Variants in PEAK1 observed in about 807,000 individuals in gnomAD.
The protein encoded by PEAK1 is inactive tyrosine-protein kinase PEAK1.
PEAK1 carries 54 observed loss-of-function variants against 124.7 expected under a neutral mutation model. That is an observed-to-expected ratio of 0.43 (90% confidence interval 0.35 to 0.54). The LOEUF (loss-of-function observed/expected upper bound fraction) is 0.54. PEAK1 is among the 20% of genes least tolerant of loss of function. The pLI is 0.01. For synonymous variants in PEAK1, 719 were observed against 760.0 expected, an observed-to-expected ratio of 0.95 and a Z score of 0.89; for missense variants, 2,046 against 2,134.5, an observed-to-expected ratio of 0.96 and a Z score of 0.82.
At chr15:77,333,291 C>T (rs1463238236) in intron 2 of PEAK1, 5 of 964,506 alleles carry the variant, frequency 5.2e-6, no homozygotes, top group Admixed American at 6.2e-5. Flanking sequence ...GATTCAATCA[C>T]TTTTTGTGTG....
intron 6 of PEAK1, among the ~76,000 whole-genome samples, chr15:77,226,541 G>A (rs1028862044): frequency 6.6e-6 from 1 of 152,028 alleles, no homozygotes; most frequent in Non-Finnish European, 1.5e-5. Flanking sequence ...TTTGAAAACC[G>A]AGATGCCATG....
chr15:77,249,517 T>C (rs951317530), intron 6 of PEAK1, among the ~76,000 whole-genome samples: 2 of 152,180 alleles, frequency 1.3e-5, no homozygotes. Flanking sequence ...TTCTATTCTC[T>C]CTTCAAAGTC....
At chr15:77,369,595 T>C (rs2068504931) in intron 1 of PEAK1, among the ~76,000 whole-genome samples, 1 of 152,108 alleles carries the variant, frequency 6.6e-6, no homozygotes, top group African/African-American at 2.4e-5. Context: ...CAAACAAGAA[T>C]ATGCAACAGA....
chr15:77,333,452 A>G, intron 2 of PEAK1: 1 of 938,816 alleles, frequency 1.1e-6, no homozygotes, highest in Non-Finnish European at 1.3e-6. Flanking sequence ...TCTTTTCTCT[A>G]ACAACTATAT....
At chr15:77,314,510 C>T (rs1016164612) in intron 2 of PEAK1, among the ~76,000 whole-genome samples, 4 of 152,092 alleles carry the variant, frequency 2.6e-5, no homozygotes, top group African/African-American at 7.2e-5. Flanking sequence ...GCTGGGATTA[C>T]AGGCACATAC....
intron 6 of PEAK1, among the ~76,000 whole-genome samples, chr15:77,219,995 C>A (rs928244546): frequency 6.6e-6 from 1 of 152,056 alleles, no homozygotes; most frequent in Non-Finnish European, 1.5e-5. Context: ...GAGAAGCATG[C>A]AGACATCAAC....
chr15:77,378,145 A>C (rs2069177388), intron 1 of PEAK1, among the ~76,000 whole-genome samples: 1 of 151,080 alleles, frequency 6.6e-6, no homozygotes, highest in South Asian at 2.1e-4. Flanking sequence ...CATTTCCTAA[A>C]ACTGTAAGTT....
intron 1 of PEAK1, chr15:77,418,465 G>C (rs1185848272): frequency 2.0e-5 from 20 of 985,240 alleles, no homozygotes; most frequent in Non-Finnish European, 2.3e-5. Context: ...TAGTTTGTGA[G>C]TTGGTCATAT....
intron 2 of PEAK1, among the ~76,000 whole-genome samples, chr15:77,313,692 G>GTGTGTATATA (rs34603921): frequency 2.1e-4 from 21 of 98,808 alleles, no homozygotes; most frequent in African/African-American, 8.3e-5. Context: ...GTGTGTGTGT[G>GTGTGTATATA]TATATATATA....
intron 2 of PEAK1, among the ~76,000 whole-genome samples, chr15:77,300,960 T>C (rs573355422): frequency 6.6e-6 from 1 of 152,270 alleles, no homozygotes; most frequent in Admixed American, 6.5e-5. Context: ...CAAGTGATTC[T>C]CCTGTCTCAG....
At chr15:77,254,784 T>A (rs771507105) in intron 5 of PEAK1, among the ~76,000 whole-genome samples, 2 of 152,174 alleles carry the variant, frequency 1.3e-5, no homozygotes, top group Non-Finnish European at 2.9e-5. Flanking sequence ...AATTATATAC[T>A]TAAGAACTAC....
rs1473292210 is a variant in PEAK1, at chr15:77,365,182, C to T, written c.-622G>A. On this transcript the variant is annotated 5_prime_UTR_variant, in exon 2 of 10. Transcript: ENST00000682557. ...TCTCACCTTTGGTTTTTAGATAAAC[C>T]ACAAAGAAATGTCTACAGCATAAGT... The T allele has an allele frequency of 1.0e-6, 1 of 979,964 alleles. No homozygotes were observed. Among genetic ancestry groups the T allele is most frequent in the African/African-American group, 1.8e-5 (1 of 57,010 alleles). 60.7% of individuals were successfully genotyped at this position (979,964 alleles called of 1,614,324 possible).
intron 6 of PEAK1, among the ~76,000 whole-genome samples, chr15:77,188,928 G>T (rs1420904917): frequency 6.6e-6 from 1 of 152,130 alleles, no homozygotes; most frequent in African/African-American, 2.4e-5. Flanking sequence ...AGGTGCGGTG[G>T]CTCAAGCCTG....
intron 1 of PEAK1, chr15:77,404,678 G>T: frequency 1.0e-6 from 1 of 953,012 alleles, no homozygotes; most frequent in South Asian, 4.9e-5. Flanking sequence ...TAAAGAGTCT[G>T]CTGTACTAAT....
At chr15:77,199,151 A>C (rs1047331088) in intron 6 of PEAK1, among the ~76,000 whole-genome samples, 21 of 152,210 alleles carry the variant, frequency 1.4e-4, no homozygotes, top group Admixed American at 1.3e-3. Flanking sequence ...CCCAGCTGCC[A>C]CTCTTGTTTA....
intron 1 of PEAK1, among the ~76,000 whole-genome samples, chr15:77,368,899 G>A (rs537830209): frequency 6.6e-6 from 1 of 152,172 alleles, no homozygotes; most frequent in East Asian, 1.9e-4. Context: ...AAAAGAGAAA[G>A]AACATATATA....
chr15:77,351,896 A>C, intron 2 of PEAK1: 1 of 985,444 alleles, frequency 1.0e-6, no homozygotes, highest in Non-Finnish European at 1.2e-6. Flanking sequence ...TAAAGTCTAA[A>C]GGTAATGAAG....
intron 8 of PEAK1, among the ~76,000 whole-genome samples, chr15:77,138,768 A>T (rs1178543362): frequency 6.6e-6 from 1 of 151,816 alleles, no homozygotes. Flanking sequence ...AGGCTGACGT[A>T]GGAGAATCAT....
rs75267930 is a variant in PEAK1, at chr15:77,311,762, C to T, written c.-602-25258G>A. Among the ~76,000 whole-genome samples, 1,117 of 147,734 alleles carry T rather than the reference C, an allele frequency of 7.6e-3. 15 individuals carry two copies. The highest frequency in any genetic ancestry group is 0.026 in the African/African-American group (1,054 of 40,250). ...AACGTTTGGAATGAGATAAGGTGTG[C>T]GTCTGGTGGGGGGCACTGTGTAATG... is the stretch of plus-strand genomic sequence containing the variant. On this transcript the variant is annotated intron_variant, in intron 2 of 9. Transcript: ENST00000682557.
Sources: gnomAD v4.1 joint callset for allele counts (sites outside exome capture counted in the v4.1 genomes callset) on GRCh38, gnomAD v4.1.1 for gene constraint, MANE v1.5 for transcripts, NCBI Gene and HGNC (gene_info 2026-07-23, HGNC 2026-07-21) for gene names.